Variants in NR6A1 observed in about 807,000 individuals in gnomAD.
NR6A1 encodes the protein retinoic acid receptor-related testis-associated receptor.
A neutral mutation model predicts 59.1 loss-of-function variants in NR6A1; 7 were observed. The observed-to-expected ratio is 0.12, with a 90% CI of 0.07 to 0.22. The LOEUF (loss-of-function observed/expected upper bound fraction) is 0.22, where lower values mean the gene tolerates loss of function less well. Among genes scored for constraint, NR6A1 ranks in the 10% least tolerant of loss-of-function variants. The pLI, the probability that NR6A1 is intolerant of heterozygous loss-of-function variation, is 1.00. For missense variants in NR6A1, 468 were observed against 611.6 expected, an observed-to-expected ratio of 0.77 and a Z score of 2.48; for synonymous variants, 243 against 236.1, an observed-to-expected ratio of 1.03 and a Z score of -0.27.
In NR6A1 at chr9:124,536,048, C is replaced by A; in HGVS notation, c.909G>T (p.Lys303Asn). 1.2e-6 allele frequency: 2 copies of A among 1,614,196 alleles called. No individual in the cohort carries two copies. The highest frequency in any genetic ancestry group is 1.7e-6 in the Non-Finnish European group (2 of 1,180,026). ...ELLFRQIAWIKKLPFFCELSI... is the reference protein window; with the variant it reads ...ELLFRQIAWINKLPFFCELSI... ...AGAGCTCGCAGAAGAAAGGCAGTTTCTTGATCCAGGCAATCTGCCTAAAGA... is the reference window on the plus strand; with the variant it reads ...AGAGCTCGCAGAAGAAAGGCAGTTTATTGATCCAGGCAATCTGCCTAAAGA... The change falls in exon 7 of 10, where the codon AAG (lysine) becomes AAT (asparagine). Residue 303 changes from lysine to asparagine, a missense_variant. Transcript: ENST00000487099.
chr9:124,564,194 T>C (rs1834167154), intron 2 of NR6A1, among the ~76,000 whole-genome samples: 1 of 152,034 alleles, frequency 6.6e-6, no homozygotes, highest in Non-Finnish European at 1.5e-5. Flanking sequence ...TTTAGCAAAC[T>C]AGAAACAGAA....
rs182805655 is a variant in NR6A1 at position 124,749,256 on chromosome 9, C to T, written c.101-15907G>A. On this transcript the variant is annotated intron_variant, in intron 1 of 9. Coordinates refer to ENST00000487099, the MANE Select transcript of NR6A1 (RefSeq NM_033334.4). ...CAACCTGGGCAACAAGAGTGAAACT[C>T]CATTTCAAAAAAAAAAAAAAAGAGT... Among the ~76,000 whole-genome samples the T allele has an allele frequency of 5.5e-3, 824 of 149,546 alleles. 7 individuals are homozygous for T. The highest frequency in any genetic ancestry group is 0.019 in the African/African-American group (784 of 40,566).
chr9:124,540,816 A>C (rs534557409), intron 4 of NR6A1, among the ~76,000 whole-genome samples: 15 of 152,172 alleles, frequency 9.9e-5, no homozygotes, highest in East Asian at 9.7e-4. Flanking sequence ...AAGACAAAAC[A>C]AAACCAAACA....
chr9:124,645,623 C>G (rs1161426584), intron 2 of NR6A1, among the ~76,000 whole-genome samples: 4 of 152,146 alleles, frequency 2.6e-5, no homozygotes, highest in Non-Finnish European at 4.4e-5. Flanking sequence ...CACCTAGTAA[C>G]AGAATGTCAA....
intron 1 of NR6A1, among the ~76,000 whole-genome samples, chr9:124,734,733 G>A (rs1451929262): frequency 6.6e-6 from 1 of 152,106 alleles, no homozygotes; most frequent in Non-Finnish European, 1.5e-5. Flanking sequence ...TAGGACTAGA[G>A]GGGTATGAAA....
At chr9:124,681,085 T>C (rs940069478) in intron 2 of NR6A1, among the ~76,000 whole-genome samples, 3 of 152,200 alleles carry the variant, frequency 2.0e-5, no homozygotes, top group Non-Finnish European at 4.4e-5. Flanking sequence ...TAAAATATTC[T>C]GTGTGACAAA....
At chr9:124,730,820 AT>A (rs1839862478) in intron 2 of NR6A1, among the ~76,000 whole-genome samples, 1 of 152,176 alleles carries the variant, frequency 6.6e-6, no homozygotes, top group African/African-American at 2.4e-5. Context: ...AAGAGAATAC[AT>A]TTGGGTACTA....
At chr9:124,586,655 C>A (rs1236073922) in intron 2 of NR6A1, among the ~76,000 whole-genome samples, 2 of 152,062 alleles carry the variant, frequency 1.3e-5, no homozygotes, top group African/African-American at 2.4e-5. Context: ...CACTATGTTG[C>A]CCAGGCTGGT....
intron 1 of NR6A1, among the ~76,000 whole-genome samples, chr9:124,765,825 C>T (rs140504180): frequency 2.0e-5 from 3 of 152,256 alleles, no homozygotes; most frequent in East Asian, 3.9e-4. Flanking sequence ...GAATGAAGAA[C>T]GAAATACCGT....
chr9:124,535,412 T>C (rs1250998149), intron 7 of NR6A1, among the ~76,000 whole-genome samples: 1 of 151,922 alleles, frequency 6.6e-6, no homozygotes, highest in Non-Finnish European at 1.5e-5. Flanking sequence ...ACCTCGTCTC[T>C]ACTAAAAATA....
intron 2 of NR6A1, among the ~76,000 whole-genome samples, chr9:124,576,120 G>A (rs1226535837): frequency 6.6e-6 from 1 of 152,134 alleles, no homozygotes; most frequent in Admixed American, 6.5e-5. Context: ...TAGCCTCACT[G>A]CTCCCCATTA....
At chr9:124,673,586 CACT>C (rs1238850103) in intron 2 of NR6A1, among the ~76,000 whole-genome samples, 9 of 152,062 alleles carry the variant, frequency 5.9e-5, no homozygotes, top group African/African-American at 2.2e-4. Flanking sequence ...AAAAATGCCC[CACT>C]ATGACTTTTA....
chr9:124,707,959 G>A (rs1277435494), intron 2 of NR6A1, among the ~76,000 whole-genome samples: 1 of 152,058 alleles, frequency 6.6e-6, no homozygotes, highest in Admixed American at 6.6e-5. Context: ...TTTTTGCTTG[G>A]CTTTCCCACA....
At chr9:124,698,688 A>G (rs1838842433) in intron 2 of NR6A1, 1 of 152,168 alleles carries the variant, frequency 6.6e-6, no homozygotes, top group South Asian at 2.1e-4. Flanking sequence ...GCACAATTAT[A>G]TTTATAACTT....
Position 124,771,177 on chromosome 9 carries a change from T to G in NR6A1, c.-58A>C, listed in dbSNP as rs1044419890. 3 of 985,208 alleles carry G rather than the reference T, an allele frequency of 3.0e-6. No homozygotes were observed. The highest frequency in any genetic ancestry group is 3.9e-6 in the Non-Finnish European group (3 of 762,488). 61.0% of individuals were successfully genotyped at this position (985,208 alleles called of 1,614,324 possible). The stretch of plus-strand genomic sequence containing the variant: ...TGCTCCGCCATGACCGGCGCCCTAG[T>G]CGCCGTGGTCGTCGTCCGCCGAGGG... On this transcript the variant is annotated 5_prime_UTR_variant, in exon 1 of 10. Transcript: ENST00000487099.
chr9:124,522,445 G>C lies in NR6A1; in HGVS notation c.*260C>G, dbSNP rs1832820992. The C allele has an allele frequency of 3.3e-6, 1 of 304,006 alleles. No homozygotes were observed. Among genetic ancestry groups the C allele is most frequent in the Non-Finnish European group, 6.4e-6 (1 of 156,284 alleles). 18.8% of individuals were successfully genotyped at this position (304,006 alleles called of 1,614,324 possible). A position where few individuals can be genotyped will look rare whatever the true frequency, so the allele number is the denominator to read the frequency against. ...TAAACATCTTCACATTCTGTAAACT[G>C]TAAGAAAATGCATTGGCTGCATTCA... is the stretch of plus-strand genomic sequence containing the variant. On this transcript the variant is annotated 3_prime_UTR_variant, in exon 10 of 10. Coordinates refer to ENST00000487099, the MANE Select transcript of NR6A1 (RefSeq NM_033334.4).
chr9:124,653,881 T>C (rs748132524), intron 2 of NR6A1, among the ~76,000 whole-genome samples: 1 of 152,246 alleles, frequency 6.6e-6, no homozygotes, highest in Non-Finnish European at 1.5e-5. Flanking sequence ...CAAGAACATA[T>C]TATTAACCAA....
At chr9:124,541,745 G>C (rs10986360) in intron 4 of NR6A1, among the ~76,000 whole-genome samples, 2,421 of 152,286 alleles carry the variant, frequency 0.016, 63 homozygotes, top group African/African-American at 0.056. Context: ...GTTCACTGCA[G>C]CATTATTCAA....
At chr9:124,647,106 G>A (rs1836950810) in intron 2 of NR6A1, among the ~76,000 whole-genome samples, 1 of 152,088 alleles carries the variant, frequency 6.6e-6, no homozygotes, top group South Asian at 2.1e-4. Flanking sequence ...TAGAGACAAG[G>A]TCTCACTATG....
Sources: allele counts gnomAD v4.1 joint callset (sites outside exome capture counted in the v4.1 genomes callset), GRCh38; gene constraint gnomAD v4.1.1; transcripts MANE v1.5; gene names NCBI Gene and HGNC (gene_info 2026-07-23, HGNC 2026-07-21).